Variants in TCF7L2 observed in about 807,000 individuals in gnomAD.
TCF7L2 encodes transcription factor 7-like 2.
A neutral mutation model predicts 77.9 loss-of-function variants in TCF7L2; 23 were observed. The observed-to-expected ratio is 0.30, with a 90% CI of 0.21 to 0.42. The LOEUF is 0.42. Among genes scored for constraint, TCF7L2 ranks in the 10% least tolerant of loss-of-function variants. TCF7L2 has a pLI of 1.00. For synonymous variants in TCF7L2, 413 were observed against 340.2 expected (o/e 1.21, Z -2.36); for missense variants, 654 against 793.1 (o/e 0.82, Z 2.11).
At chr10:112,966,786 A>G (rs1171858656) in intron 4 of TCF7L2, among the ~76,000 whole-genome samples, 2 of 152,196 alleles carry the variant, frequency 1.3e-5, no homozygotes, top group South Asian at 4.1e-4. Flanking sequence ...GCTCTTTCTC[A>G]GGAGGAAGAT....
At chr10:113,047,777 C>T (rs1209066660) in intron 5 of TCF7L2, among the ~76,000 whole-genome samples, 7 of 152,090 alleles carry the variant, frequency 4.6e-5, no homozygotes, top group Admixed American at 3.9e-4. Flanking sequence ...TCAAAGATGC[C>T]GTTGGCTCCT....
chr10:113,088,806 T>A (rs1450912265), intron 5 of TCF7L2, among the ~76,000 whole-genome samples: 1 of 151,180 alleles, frequency 6.6e-6, no homozygotes, highest in Non-Finnish European at 1.5e-5. Flanking sequence ...AAAAATAAAA[T>A]AAAAATAAAA....
chr10:113,121,720 T>G (rs890688461), intron 5 of TCF7L2, among the ~76,000 whole-genome samples: 1 of 151,636 alleles, frequency 6.6e-6, no homozygotes, highest in East Asian at 1.9e-4. Context: ...ACGTACGCAC[T>G]TGCACACGCA....
At chr10:112,957,644 C>T (rs2134375386) in intron 3 of TCF7L2, among the ~76,000 whole-genome samples, 1 of 152,086 alleles carries the variant, frequency 6.6e-6, no homozygotes, top group African/African-American at 2.4e-5. Flanking sequence ...CGTGGGAGTA[C>T]CCTGGGCTGG....
At chr10:112,959,332 C>T (rs1467443890) in intron 3 of TCF7L2, among the ~76,000 whole-genome samples, 1 of 152,112 alleles carries the variant, frequency 6.6e-6, no homozygotes, top group Non-Finnish European at 1.5e-5. Context: ...TACTTCTTTC[C>T]CCAAATGTGA....
chr10:112,966,196 ATATATATATATAT>A (rs1470548431), intron 4 of TCF7L2, among the ~76,000 whole-genome samples: 2 of 137,410 alleles, frequency 1.5e-5, no homozygotes, highest in South Asian at 2.2e-4. Context: ...ATATATATAT[ATATATATATATAT>A]ATTTTCTTTT....
intron 4 of TCF7L2, among the ~76,000 whole-genome samples, chr10:112,966,485 G>T (rs1331045778): frequency 6.6e-6 from 1 of 152,110 alleles, no homozygotes; most frequent in Non-Finnish European, 1.5e-5. Context: ...AACTCCTGGT[G>T]CCTGAGTGGA....
At chr10:113,075,027 A>G (rs2058533169) in intron 5 of TCF7L2, among the ~76,000 whole-genome samples, 1 of 151,258 alleles carries the variant, frequency 6.6e-6, no homozygotes, top group East Asian at 1.9e-4. Flanking sequence ...ATTTATTTAG[A>G]GACAGGGTCT....
chr10:112,951,083 C>T, intron 1 of TCF7L2, 124 bp from the exon 2 acceptor site: 2 of 1,321,520 alleles, frequency 1.5e-6, no homozygotes, highest in Non-Finnish European at 2.1e-6. Context: ...GCCACCATTG[C>T]AAAAACTTGT....
chr10:112,999,800 G>A (rs2133314825), intron 4 of TCF7L2, among the ~76,000 whole-genome samples: 1 of 152,270 alleles, frequency 6.6e-6, no homozygotes, highest in South Asian at 2.1e-4. Context: ...CTCCTGTCTT[G>A]TCTATCAATA....
intron 4 of TCF7L2, among the ~76,000 whole-genome samples, chr10:113,007,421 T>C (rs61872775): frequency 1.2e-4 from 19 of 152,210 alleles, no homozygotes; most frequent in Non-Finnish European, 2.6e-4. Flanking sequence ...CACAGGCTGG[T>C]AGGCTAAGAG....
rs1414332733 is a variant in TCF7L2, at chr10:113,165,808, G to A, written c.1645G>A (p.Ala549Thr). The A allele has an allele frequency of 1.2e-5, 20 of 1,604,156 alleles. No individual in the cohort carries two copies. The highest frequency in any genetic ancestry group is 3.4e-5 in the Admixed American group (2 of 59,062). The change falls in exon 14 of 14, where the codon GCC becomes ACC. Residue 549 changes from alanine (A) to threonine (T), a missense_variant. By Grantham distance (58) the Ala-to-Thr change is moderately conservative (BLOSUM62 0). This residue lies in a region of TCF7L2 where 272 missense variants were observed against 215.4 expected (regional missense o/e 1.26). Coordinates refer to ENST00000627217, the MANE Select transcript of TCF7L2 (RefSeq NM_001146274.2). The stretch of plus-strand genomic sequence containing the variant: ...CGCTGAGGCCACCCACAAGGCCTCC[G>A]CCCTCTGTCCCAACGGGGCCCTGGA...
rs191096276 is a variant in TCF7L2, at chr10:113,111,195, C to G, written c.553-29989C>G. Among the ~76,000 whole-genome samples the G allele has an allele frequency of 3.2e-3, 487 of 152,240 alleles. 3 individuals carry two copies. Among genetic ancestry groups the G allele is most frequent in the African/African-American group, 0.011 (457 of 41,536 alleles). Reference sequence around the variant, plus strand: ...AGAACTGGTTTCTGTTAGAGGTTAACTGACTTTGAGGAAATTATACCATCA... The same window carrying G: ...AGAACTGGTTTCTGTTAGAGGTTAAGTGACTTTGAGGAAATTATACCATCA... On this transcript the variant is annotated intron_variant, in intron 5 of 13. Transcript: ENST00000627217.
At position 113,106,335 on chromosome 10, in the gene TCF7L2, C is replaced by T. The variant is rs191698729; in HGVS notation, c.553-34849C>T. 5.3e-5 allele frequency among the ~76,000 whole-genome samples: 8 copies of T among 152,344 alleles called. No homozygotes were observed. In the East Asian group the frequency reaches 7.7e-4, roughly 15 times the overall value. On this transcript the variant is annotated intron_variant, in intron 5 of 13. Transcript: ENST00000627217. Reference sequence around the variant, plus strand: ...GAAGACTGCTGTAAGATCAAGCAATCGTGTGTAGCCAGACAGTGGGAGAAT... The same window carrying T: ...GAAGACTGCTGTAAGATCAAGCAATTGTGTGTAGCCAGACAGTGGGAGAAT...
Position 113,156,321 on chromosome 10 carries a change from G to A in TCF7L2, c.1270-1700G>A, listed in dbSNP as rs545143278. On this transcript the variant is annotated intron_variant, in intron 11 of 13. Transcript: ENST00000627217. Reference sequence around the variant, plus strand: ...AGTAGAGATGGGGTTTCACCATGTTGGCCAGGATGGTCTCGATCTCTTGAC... The same window carrying A: ...AGTAGAGATGGGGTTTCACCATGTTAGCCAGGATGGTCTCGATCTCTTGAC... 2.4e-3 allele frequency among the ~76,000 whole-genome samples: 358 copies of A among 152,158 alleles called. 1 individual carries two copies. The highest frequency in any genetic ancestry group is 8.3e-3 in the African/African-American group (345 of 41,526).
intron 3 of TCF7L2, among the ~76,000 whole-genome samples, chr10:112,956,189 ACCTTTC>A (rs2033542687): frequency 6.6e-6 from 1 of 151,834 alleles, no homozygotes; most frequent in Admixed American, 6.6e-5. Context: ...AACTCCGAGG[ACCTTTC>A]CCCCAGCTGT....
At chr10:113,094,823 A>G (rs1017412677) in intron 5 of TCF7L2, among the ~76,000 whole-genome samples, 2 of 152,158 alleles carry the variant, frequency 1.3e-5, no homozygotes, top group African/African-American at 4.8e-5. Context: ...GACTGTTTCC[A>G]AAGTTCCGCT....
intron 4 of TCF7L2, among the ~76,000 whole-genome samples, chr10:113,007,360 G>A (rs893921513): frequency 2.6e-5 from 4 of 152,204 alleles, no homozygotes; most frequent in Non-Finnish European, 5.9e-5. Context: ...GGCCTCTGGA[G>A]CTGGCTCCCT....
intron 5 of TCF7L2, among the ~76,000 whole-genome samples, chr10:113,080,134 C>T (rs2135435273): frequency 6.6e-6 from 1 of 152,054 alleles, no homozygotes; most frequent in South Asian, 2.1e-4. Flanking sequence ...TCCCCCTTCT[C>T]ACAAAAATCC....
Sources: gnomAD v4.1 joint callset for allele counts (sites outside exome capture counted in the v4.1 genomes callset) on GRCh38, gnomAD v4.1.1 for gene constraint, gnomAD v4.1.1 regional missense constraint, MANE v1.5 for transcripts, NCBI Gene and HGNC (gene_info 2026-07-23, HGNC 2026-07-21) for gene names.